The following LPIN1 variants were observed in gnomAD, a reference collection of about 807,000 sequenced individuals.
The protein encoded by LPIN1 is phosphatidate phosphatase LPIN1.
A neutral mutation model predicts 107.5 loss-of-function variants in LPIN1; 71 were observed. That is an observed-to-expected ratio of 0.66 (90% CI 0.55 to 0.80). The LOEUF (loss-of-function observed/expected upper bound fraction) is 0.80, where lower values mean the gene tolerates loss of function less well. Ranked by LOEUF, LPIN1 falls within the 30% of genes least tolerant of loss-of-function variation. The pLI is 0.00. For synonymous variants in LPIN1, 445 were observed against 452.6 expected, an observed-to-expected ratio of 0.98 and a Z score of 0.21; for missense variants, 1,043 against 1,160.6, an observed-to-expected ratio of 0.90 and a Z score of 1.47.
chr2:11,806,676 T>C (rs1678744040), intron 17 of LPIN1, among the ~76,000 whole-genome samples: 1 of 152,208 alleles, frequency 6.6e-6, no homozygotes. Context: ...AAAAAATTAT[T>C]AATACAAAAG....
chr2:11,684,474 A>C (rs1287474669), intron 1 of LPIN1, among the ~76,000 whole-genome samples: 2 of 152,210 alleles, frequency 1.3e-5, no homozygotes, highest in African/African-American at 4.8e-5. Context: ...CACTGTGCCC[A>C]ACTCTCTTGT....
At chr2:11,789,572 G>A (rs1018202032) in intron 12 of LPIN1, among the ~76,000 whole-genome samples, 4 of 152,108 alleles carry the variant, frequency 2.6e-5, no homozygotes, top group African/African-American at 7.2e-5. Context: ...ACGTGTGTGT[G>A]TGCGTGTGTG....
chr2:11,754,852 C>A (rs1328374586), intron 1 of LPIN1, among the ~76,000 whole-genome samples: 2 of 152,194 alleles, frequency 1.3e-5, no homozygotes. Flanking sequence ...GCTTTTCAGT[C>A]TTACCCTTAG....
intron 1 of LPIN1, among the ~76,000 whole-genome samples, chr2:11,761,006 A>G (rs919394400): frequency 1.3e-5 from 2 of 152,132 alleles, no homozygotes; most frequent in African/African-American, 4.8e-5. Flanking sequence ...CAATCCAGAG[A>G]GCCCCTCTTC....
In LPIN1 at chr2:11,765,688, C is replaced by T. The variant is rs750874418; in HGVS notation, c.147C>T (p.His49=). ...PNGNLQCSPF[H]VRFGKMGVLR... is the part of the protein sequence containing the mutation. ...GAAACCTCCAATGCTCCCCTTTCCA[C>T]GTCCGCTTTGGGAAGATGGGGGTCC... is the stretch of plus-strand genomic sequence containing the variant. The change falls in exon 2 of 21, where the codon CAC becomes CAT. Residue 49 remains histidine, a synonymous_variant. Transcript: ENST00000674199. This position sits in a 1 kb window ranked among gnomAD's most constrained non-coding sequence, Gnocchi z 4.4. 27 of 1,613,366 alleles carry T rather than the reference C, an allele frequency of 1.7e-5. No individual in the cohort carries two copies. The highest frequency in any genetic ancestry group is 1.7e-4 in the Middle Eastern group (1 of 6,054).
intron 1 of LPIN1, among the ~76,000 whole-genome samples, chr2:11,703,028 C>G (rs1662960736): frequency 6.6e-6 from 1 of 152,118 alleles, no homozygotes; most frequent in South Asian, 2.1e-4. Flanking sequence ...ACCTGACATG[C>G]AAATACCACT....
Position 11,783,865 on chromosome 2 carries a change from A to T in LPIN1, c.1301A>T (p.Tyr434Phe). The change falls in exon 9 of 21, where the codon TAC becomes TTC. Residue 434 changes from tyrosine to phenylalanine, a missense_variant. Physicochemically the swap from Tyr to Phe is conservative, Grantham distance 22. Coordinates refer to ENST00000674199, the MANE Select transcript of LPIN1 (RefSeq NM_001349206.2). ...RSRHLGADGVYLDDLTDMDPE... is the reference protein window; with the variant it reads ...RSRHLGADGVFLDDLTDMDPE... ...CGACATCTTGGTGCTGACGGCGTCT[A>T]CTTGGATGACCTCACAGACATGGAT... 2 of 1,614,202 alleles carry T rather than the reference A, an allele frequency of 1.2e-6. No individual in the cohort carries two copies. The highest frequency in any genetic ancestry group is 1.7e-6 in the Non-Finnish European group (2 of 1,180,030).
chr2:11,697,622 A>G lies in LPIN1; in HGVS notation c.82-16134A>G, dbSNP rs1662655437. Among the ~76,000 whole-genome samples the G allele has an allele frequency of 1.3e-5, 2 of 152,160 alleles. No individual in the cohort carries two copies. The highest frequency in any genetic ancestry group is 4.1e-4 in the South Asian group (2 of 4,822). On this transcript the variant is annotated intron_variant, in intron 1 of 21. Transcript: ENST00000449576. This position sits in a 1 kb window ranked among gnomAD's most constrained non-coding sequence, Gnocchi z 4.6. ...CCACTGGTAGTGACCTGGCCTGGGG[A>G]CAGGGAAAGGACGCCCATTCATTGG...
chr2:11,701,035 A>T (rs900513468), intron 1 of LPIN1, among the ~76,000 whole-genome samples: 24 of 151,340 alleles, frequency 1.6e-4, no homozygotes, highest in Admixed American at 6.6e-5. Context: ...GCTCCCCCTC[A>T]CTCTGTGTTC....
chr2:11,708,184 C>G (rs1663220651), intron 1 of LPIN1, among the ~76,000 whole-genome samples: 1 of 152,180 alleles, frequency 6.6e-6, no homozygotes, highest in South Asian at 2.1e-4. Flanking sequence ...CATTACCCTT[C>G]ACTGTTGGCC....
At chr2:11,796,106 G>A (rs1031370841) in intron 14 of LPIN1, among the ~76,000 whole-genome samples, 2 of 152,176 alleles carry the variant, frequency 1.3e-5, no homozygotes, top group Non-Finnish European at 2.9e-5. Context: ...AATGATTTGC[G>A]CTGTACCATC....
intron 1 of LPIN1, among the ~76,000 whole-genome samples, chr2:11,699,542 G>A (rs1171692572): frequency 1.3e-5 from 2 of 152,076 alleles, no homozygotes; most frequent in Non-Finnish European, 2.9e-5. Flanking sequence ...TTTCCTTCTC[G>A]GTATGGTTTC....
chr2:11,752,691 A>G (rs1347561118), intron 1 of LPIN1, among the ~76,000 whole-genome samples: 4 of 151,878 alleles, frequency 2.6e-5, no homozygotes, highest in Non-Finnish European at 1.5e-5. Flanking sequence ...TCGGCCTCCC[A>G]AAGTGCTGGG....
intron 1 of LPIN1, among the ~76,000 whole-genome samples, chr2:11,749,932 G>C (rs1343108007): frequency 6.6e-6 from 1 of 152,242 alleles, no homozygotes; most frequent in Non-Finnish European, 1.5e-5. Context: ...AATAGCCATA[G>C]GCTGTTAGAA....
chr2:11,790,762 C>T (rs1174959778), intron 12 of LPIN1, among the ~76,000 whole-genome samples: 1 of 152,150 alleles, frequency 6.6e-6, no homozygotes, highest in Non-Finnish European at 1.5e-5. Context: ...GTTTTCTGTT[C>T]CTGTGATATG....
At position 11,785,053 on chromosome 2, in the gene LPIN1, G is replaced by A. The variant is rs1383337906; in HGVS notation, c.1526G>A (p.Ser509Asn). The stretch of plus-strand genomic sequence containing the variant: ...GCCATCTCCCTCTGCGGGGGCCTCA[G>A]CGACCACCGGGAGATCACGAAAGGT... ...SIAISLCGGL[S>N]DHREITKDAF... is the part of the protein sequence containing the mutation. Residue 509 changes from serine to asparagine, a missense_variant, in exon 10 of 21, where the codon AGC becomes AAC. Coordinates refer to ENST00000674199, the MANE Select transcript of LPIN1 (RefSeq NM_001349206.2). 1.3e-6 allele frequency: 2 copies of A among 1,591,942 alleles called. No homozygotes were observed. The highest frequency in any genetic ancestry group is 1.7e-6 in the Non-Finnish European group (2 of 1,171,120).
chr2:11,759,124 C>CTTGCTTTCT (rs1669129004), intron 1 of LPIN1, among the ~76,000 whole-genome samples: 7 of 137,344 alleles, frequency 5.1e-5, no homozygotes, highest in Admixed American at 7.0e-5. Context: ...AGCTAGCTTG[C>CTTGCTTTCT]TTTCTTTCTT....
At chr2:11,776,258 AT>A (rs1672672298) in intron 6 of LPIN1, 65 bp downstream of exon 6, 14 of 1,034,914 alleles carry the variant, frequency 1.4e-5, no homozygotes, top group Non-Finnish European at 2.0e-5. Context: ...AACTCTTACT[AT>A]AAGTCTATTT....
chr2:11,717,489 TC>T (rs1277249418), intron 2 of LPIN1, among the ~76,000 whole-genome samples: 2 of 144,098 alleles, frequency 1.4e-5, no homozygotes, highest in African/African-American at 5.2e-5. Flanking sequence ...TACCTGCCCA[TC>T]CCCCCACCCT....
Sources: gnomAD v4.1 joint callset for allele counts (sites outside exome capture counted in the v4.1 genomes callset) on GRCh38, gnomAD v4.1.1 for gene constraint, Gnocchi (gnomAD v3.1) non-coding constraint, MANE v1.5 for transcripts, NCBI Gene and HGNC (gene_info 2026-07-23, HGNC 2026-07-21) for gene names.